Variants in NKAIN3 observed in about 807,000 individuals in gnomAD.
NKAIN3 encodes sodium/potassium transporting ATPase interacting 3, also known as sodium/potassium-transporting ATPase subunit beta-1-interacting protein 3.
NKAIN3 carries 25 observed loss-of-function variants against 30.2 expected under a neutral mutation model. The ratio of observed to expected loss-of-function variants is 0.83; its 90% CI spans 0.60 to 1.16. NKAIN3 has a LOEUF of 1.16. Ranked by LOEUF, NKAIN3 falls within the 50% of genes most tolerant of loss-of-function variation. The pLI is 0.00. For synonymous variants in NKAIN3, 91 were observed against 89.6 expected (o/e 1.02, Z -0.09); for missense variants, 225 against 254.1 (o/e 0.89, Z 0.78).
chr8:62,508,761 T>C (rs1360242254), intron 1 of NKAIN3, among the ~76,000 whole-genome samples: 1 of 152,178 alleles, frequency 6.6e-6, no homozygotes, highest in Non-Finnish European at 1.5e-5. Flanking sequence ...TAATTTAGCA[T>C]GACATTTTTA....
At chr8:62,540,787 A>AT (rs929297294) in intron 1 of NKAIN3, among the ~76,000 whole-genome samples, 10 of 151,522 alleles carry the variant, frequency 6.6e-5, no homozygotes, top group Admixed American at 2.0e-4. Context: ...TGTCTTTTGC[A>AT]TTTTTGGTTC....
chr8:62,728,229 T>A (rs76964169), intron 3 of NKAIN3, among the ~76,000 whole-genome samples: 4,099 of 152,226 alleles, frequency 0.027, 196 homozygotes, highest in African/African-American at 0.093. Context: ...AAAGTCTAGA[T>A]GATCTTGAGT....
rs1823860659 is a variant in NKAIN3, at chr8:62,972,756, A to G, written c.*7349A>G. Among the ~76,000 whole-genome samples the G allele has an allele frequency of 6.6e-6, 1 of 152,176 alleles. No homozygotes were observed. The highest frequency in any genetic ancestry group is 2.1e-4 in the South Asian group (1 of 4,830). ...TTTGTTACATAGGTATACATGTGCC[A>G]TGGTGGTTTGCTGCACCCATCAATT... On this transcript the variant is annotated 3_prime_UTR_variant, in exon 7 of 7. Transcript: ENST00000623646.
At chr8:62,789,711 G>A (rs956667253) in intron 4 of NKAIN3, among the ~76,000 whole-genome samples, 1 of 152,080 alleles carries the variant, frequency 6.6e-6, no homozygotes, top group Admixed American at 6.6e-5. Context: ...AGAAAATTTA[G>A]AAGAAATGAA....
At chr8:62,810,047 C>A (rs1428017193) in intron 4 of NKAIN3, among the ~76,000 whole-genome samples, 1 of 152,088 alleles carries the variant, frequency 6.6e-6, no homozygotes, top group African/African-American at 2.4e-5. Context: ...GGAAGTCAGA[C>A]CTTGAAGCCC....
At chr8:62,845,941 T>A (rs1176728185) in intron 4 of NKAIN3, among the ~76,000 whole-genome samples, 2 of 152,178 alleles carry the variant, frequency 1.3e-5, no homozygotes, top group African/African-American at 4.8e-5. Context: ...ACAAACCTGC[T>A]TTGTGATTCT....
At chr8:62,914,580 A>G (rs546658311) in intron 4 of NKAIN3, among the ~76,000 whole-genome samples, 1 of 152,338 alleles carries the variant, frequency 6.6e-6, no homozygotes, top group East Asian at 1.9e-4. Context: ...CTAGATGTAC[A>G]AACACCAGAT....
At chr8:62,771,544 A>G (rs2130636983) in intron 4 of NKAIN3, among the ~76,000 whole-genome samples, 1 of 152,220 alleles carries the variant, frequency 6.6e-6, no homozygotes, top group South Asian at 2.1e-4. Flanking sequence ...ATGGAACATA[A>G]CAATATAAAT....
At chr8:62,896,603 C>G (rs943927011) in intron 4 of NKAIN3, among the ~76,000 whole-genome samples, 2 of 152,142 alleles carry the variant, frequency 1.3e-5, no homozygotes, top group African/African-American at 4.8e-5. Flanking sequence ...CTGCTAATGT[C>G]AAGGTGTAAC....
chr8:62,819,761 T>C (rs1213891274), intron 4 of NKAIN3, among the ~76,000 whole-genome samples: 1 of 152,140 alleles, frequency 6.6e-6, no homozygotes, highest in Non-Finnish European at 1.5e-5. Flanking sequence ...TTATCGGCTC[T>C]GAAATTGTAA....
chr8:62,815,139 T>G (rs1007377824), intron 4 of NKAIN3, among the ~76,000 whole-genome samples: 5 of 152,016 alleles, frequency 3.3e-5, no homozygotes, highest in African/African-American at 9.7e-5. Flanking sequence ...ATAAATTCCT[T>G]GACACATACA....
intron 4 of NKAIN3, among the ~76,000 whole-genome samples, chr8:62,847,917 A>T (rs1049806742): frequency 6.6e-6 from 1 of 152,202 alleles, no homozygotes; most frequent in African/African-American, 2.4e-5. Context: ...TTCTCCCAGC[A>T]TCATTTATCA....
chr8:62,757,311 C>G (rs1368091134), intron 4 of NKAIN3, among the ~76,000 whole-genome samples: 1 of 152,126 alleles, frequency 6.6e-6, no homozygotes, highest in Non-Finnish European at 1.5e-5. Context: ...ATTTCCATGT[C>G]ACTTGAAATT....
In NKAIN3 at chr8:62,249,145, C is replaced by G. The variant is rs368332166; in HGVS notation, c.54+18C>G. 3.3e-6 allele frequency: 5 copies of G among 1,529,200 alleles called. No individual in the cohort carries two copies. Among genetic ancestry groups the G allele is most frequent in the Non-Finnish European group, 4.4e-6 (5 of 1,140,180 alleles). The allele number at this position is 1,529,200 out of a possible 1,614,324, so 94.7% of individuals were successfully genotyped here. ...TGCAGTTGGTGAGTGCCCCGAGGGCCCCTGCCCCAGGACAGGTCCCTGCTC... is the reference window on the plus strand; with the variant it reads ...TGCAGTTGGTGAGTGCCCCGAGGGCGCCTGCCCCAGGACAGGTCCCTGCTC... On this transcript the variant is annotated intron_variant, in intron 1 of 6. Transcript: ENST00000623646.
intron 4 of NKAIN3, among the ~76,000 whole-genome samples, chr8:62,850,321 A>C (rs1819852898): frequency 6.6e-6 from 1 of 151,898 alleles, no homozygotes; most frequent in Non-Finnish European, 1.5e-5. Flanking sequence ...TTTCTTGTAA[A>C]TTTGTTGGAG....
At chr8:62,700,191 G>GTCTC (rs1814289377) in intron 3 of NKAIN3, among the ~76,000 whole-genome samples, 1 of 152,174 alleles carries the variant, frequency 6.6e-6, no homozygotes, top group Admixed American at 6.5e-5. Context: ...TTTAGGTTAT[G>GTCTC]TCTCTATGAT....
At chr8:62,686,334 C>T (rs1180691795) in intron 3 of NKAIN3, among the ~76,000 whole-genome samples, 2 of 152,180 alleles carry the variant, frequency 1.3e-5, no homozygotes, top group African/African-American at 4.8e-5. Flanking sequence ...CTCTCCCTGC[C>T]TATTCCTACT....
intron 3 of NKAIN3, among the ~76,000 whole-genome samples, chr8:62,611,309 T>TA (rs903067070): frequency 6.6e-6 from 1 of 152,112 alleles, no homozygotes; most frequent in Non-Finnish European, 1.5e-5. Context: ...TGCTTTGAGT[T>TA]AAAAAAATCC....
intron 1 of NKAIN3, among the ~76,000 whole-genome samples, chr8:62,393,749 A>T (rs1017301696): frequency 3.3e-5 from 5 of 152,114 alleles, no homozygotes; most frequent in African/African-American, 9.7e-5. Flanking sequence ...ATTTCCATTT[A>T]GATAAGCCTT....
Sources: gnomAD v4.1 joint callset for allele counts (sites outside exome capture counted in the v4.1 genomes callset) on GRCh38, gnomAD v4.1.1 for gene constraint, MANE v1.5 for transcripts, NCBI Gene and HGNC (gene_info 2026-07-23, HGNC 2026-07-21) for gene names.